FBXO31: variants seen among roughly 807,000 people sequenced by gnomAD.
FBXO31 encodes the protein F-box only protein 31.
A neutral mutation model predicts 54.4 loss-of-function variants in FBXO31; 24 were observed. The ratio of observed to expected loss-of-function variants is 0.44; its 90% confidence interval spans 0.32 to 0.62. The LOEUF is 0.62. Among genes scored for constraint, FBXO31 ranks in the 20% least tolerant of loss-of-function variants. The pLI is 0.05. For missense variants in FBXO31, 665 were observed against 787.1 expected, an observed-to-expected ratio of 0.84 and a Z score of 1.86; for synonymous variants, 388 against 335.6, an observed-to-expected ratio of 1.16 and a Z score of -1.71.
intron 1 of FBXO31, among the ~76,000 whole-genome samples, chr16:87,368,589 T>C (rs1472700311): frequency 6.6e-6 from 1 of 151,818 alleles, no homozygotes; most frequent in Non-Finnish European, 1.5e-5. Context: ...TAATGCACAG[T>C]GTGCTTGCTA....
At chr16:87,385,760 G>C (rs374134554), upstream of FBXO31, among the ~76,000 whole-genome samples, 8 of 152,262 alleles carry the variant, frequency 5.3e-5, no homozygotes, top group African/African-American at 1.9e-4. Flanking sequence ...TGTAATCCCA[G>C]AACTTTGGGA....
Position 87,377,828 on chromosome 16 carries a change from C to CA in FBXO31, c.340+5576dup, listed in dbSNP as rs1257957419. Among the ~76,000 whole-genome samples the CA allele has an allele frequency of 5.9e-3, 754 of 127,330 alleles. 3 individuals are homozygous for CA. Among genetic ancestry groups the CA allele is most frequent in the Middle Eastern group, 0.017 (4 of 236 alleles). The allele number at this position is 127,330 out of a possible 152,430, so 83.5% of individuals were successfully genotyped here. A position where few individuals can be genotyped will look rare whatever the true frequency, so the allele number is the denominator to read the frequency against. Reference sequence around the variant, plus strand: ...TGGGTGACAGAAAGAGACCCAGTCTCAAAAAAAAAAAAGAAAAAACATGTA... The same window carrying CA: ...TGGGTGACAGAAAGAGACCCAGTCTCAAAAAAAAAAAAAGAAAAAACATGTA... On this transcript the variant is annotated intron_variant, in intron 1 of 8. Coordinates refer to ENST00000311635, the MANE Select transcript of FBXO31 (RefSeq NM_024735.5).
chr16:87,382,895 C>G (rs1206233725), intron 1 of FBXO31, among the ~76,000 whole-genome samples: 3 of 152,186 alleles, frequency 2.0e-5, no homozygotes, highest in Non-Finnish European at 4.4e-5. Context: ...CTCGGCCTCC[C>G]TAAGTGCTGA....
At position 87,338,362 on chromosome 16, in the gene FBXO31, G is replaced by A. The variant is rs1226517406; in HGVS notation, c.733-2098C>T. On this transcript the variant is annotated intron_variant, in intron 5 of 8. Coordinates refer to ENST00000311635, the MANE Select transcript of FBXO31 (RefSeq NM_024735.5). This position sits in a 1 kb window ranked among gnomAD's most constrained non-coding sequence, Gnocchi z 4.3. ...GGCAGCGCCGGCAGAGGGGGCTGAG[G>A]GTGACAAGGATGCCTGCTGGCTGCT... Among the ~76,000 whole-genome samples the A allele has an allele frequency of 1.3e-5, 2 of 152,130 alleles. No homozygotes were observed. Among genetic ancestry groups the A allele is most frequent in the Non-Finnish European group, 2.9e-5 (2 of 68,024 alleles).
intron 2 of FBXO31, among the ~76,000 whole-genome samples, chr16:87,354,101 C>T (rs1208981485): frequency 1.3e-5 from 2 of 152,266 alleles, no homozygotes; most frequent in Non-Finnish European, 2.9e-5. Flanking sequence ...AAGCAAGGCA[C>T]TCCATATTTT....
chr16:87,347,038 C>T (rs1466197590), intron 3 of FBXO31, 136 bp downstream of exon 3: 1 of 784,828 alleles, frequency 1.3e-6, no homozygotes, highest in African/African-American at 1.7e-5. Flanking sequence ...AGTGACAGAG[C>T]AAGAATTTTT....
At chr16:87,350,509 T>C (rs1905605450) in intron 2 of FBXO31, among the ~76,000 whole-genome samples, 1 of 152,126 alleles carries the variant, frequency 6.6e-6, no homozygotes, top group South Asian at 2.1e-4. Flanking sequence ...TCAGGAACCA[T>C]AAACACACAC....
chr16:87,350,106 G>A (rs1010340081), intron 2 of FBXO31, among the ~76,000 whole-genome samples: 1 of 152,084 alleles, frequency 6.6e-6, no homozygotes, highest in South Asian at 2.1e-4. Flanking sequence ...GTGACTGGAC[G>A]AATGGGCAGG....
intron 1 of FBXO31, among the ~76,000 whole-genome samples, chr16:87,376,028 C>T (rs1205527157): frequency 6.6e-6 from 1 of 152,214 alleles, no homozygotes; most frequent in Non-Finnish European, 1.5e-5. Flanking sequence ...CAGCTTCTCA[C>T]TGACCAAACA....
At chr16:87,366,059 G>A (rs184680997) in intron 1 of FBXO31, among the ~76,000 whole-genome samples, 6 of 152,056 alleles carry the variant, frequency 3.9e-5, no homozygotes, top group Admixed American at 2.0e-4. Flanking sequence ...AAAACAAATC[G>A]GTCAACGTCA....
At chr16:87,334,342 T>A (rs1904975413) in intron 7 of FBXO31, 56 bp from the exon 8 acceptor site, 20 of 1,483,372 alleles carry the variant, frequency 1.3e-5, no homozygotes, top group Non-Finnish European at 1.6e-5. Context: ...GCAGTACCAC[T>A]GTGTGGGCTC....
Position 87,333,758 on chromosome 16 carries a change from C to T in FBXO31, c.1397+128G>A, listed in dbSNP as rs1326466208. ...AGGGGTCAGAGGCCGCACTCCTGTC[C>T]CAAAGCACCGGCTGCCGCCCTCTGT... On this transcript the variant is annotated intron_variant, in intron 8 of 8. Coordinates refer to ENST00000311635, the MANE Select transcript of FBXO31 (RefSeq NM_024735.5). 8 of 1,439,480 alleles carry T rather than the reference C, an allele frequency of 5.6e-6. No individual in the cohort carries two copies. The East Asian group carries it at 1.7e-4, about 30-fold the overall frequency. 89.2% of individuals were successfully genotyped at this position (1,439,480 alleles called of 1,614,324 possible). A position where few individuals can be genotyped will look rare whatever the true frequency, so the allele number is the denominator to read the frequency against.
At chr16:87,385,226 A>G (rs551311629), upstream of FBXO31, among the ~76,000 whole-genome samples, 1 of 152,332 alleles carries the variant, frequency 6.6e-6, no homozygotes, top group Non-Finnish European at 1.5e-5. Context: ...TGGGAGGCCG[A>G]GGCGGGCAGA....
chr16:87,377,290 A>G (rs934822642), intron 1 of FBXO31, among the ~76,000 whole-genome samples: 1 of 152,168 alleles, frequency 6.6e-6, no homozygotes, highest in African/African-American at 2.4e-5. Context: ...ATAAAAAGAT[A>G]CAAAAATTAG....
At chr16:87,344,038 GA>G (rs1905279136) in intron 3 of FBXO31, among the ~76,000 whole-genome samples, 2 of 152,360 alleles carry the variant, frequency 1.3e-5, no homozygotes, top group East Asian at 3.9e-4. Flanking sequence ...CTCCCAACAG[GA>G]AAGAGTGAAC....
In FBXO31 at chr16:87,338,178, C is replaced by G. The variant is rs949716841; in HGVS notation, c.733-1914G>C. Among the ~76,000 whole-genome samples, 2 of 151,848 alleles carry G rather than the reference C, an allele frequency of 1.3e-5. No individual in the cohort carries two copies. The highest frequency in any genetic ancestry group is 2.9e-5 in the Non-Finnish European group (2 of 67,976). ...CCAGACCCTGTTACCCAGAATAAGG[C>G]CGTCCCAAGCATGTTTATTATGAAA... is the stretch of plus-strand genomic sequence containing the variant. On this transcript the variant is annotated intron_variant, in intron 5 of 8. Coordinates refer to ENST00000311635, the MANE Select transcript of FBXO31 (RefSeq NM_024735.5). This position sits in a 1 kb window ranked among gnomAD's most constrained non-coding sequence, Gnocchi z 4.3.
At chr16:87,339,398 G>A (rs1905124478) in intron 5 of FBXO31, among the ~76,000 whole-genome samples, 1 of 152,212 alleles carries the variant, frequency 6.6e-6, no homozygotes, top group African/African-American at 2.4e-5. Context: ...ACCCCTACAC[G>A]TCGTGAGAGA....
chr16:87,388,809 T>C (rs1481094348), intron 1 of FBXO31: 1 of 152,206 alleles, frequency 6.6e-6, no homozygotes, highest in Non-Finnish European at 1.5e-5. Context: ...GAAGAATGAA[T>C]GATTATTTGG....
intron 2 of FBXO31, among the ~76,000 whole-genome samples, chr16:87,357,052 C>T (rs1342085083): frequency 1.3e-5 from 2 of 152,084 alleles, no homozygotes; most frequent in African/African-American, 2.4e-5. Flanking sequence ...ACAAGACCAG[C>T]CTGGGCAACA....
Sources: gnomAD v4.1 joint callset for allele counts (sites outside exome capture counted in the v4.1 genomes callset) on GRCh38, gnomAD v4.1.1 for gene constraint, Gnocchi (gnomAD v3.1) non-coding constraint, MANE v1.5 for transcripts, NCBI Gene and HGNC (gene_info 2026-07-23, HGNC 2026-07-21) for gene names.